SORCS2: variants seen among roughly 807,000 people sequenced by gnomAD.
SORCS2 encodes VPS10 domain-containing receptor SorCS2.
Under a neutral mutation model 141.6 loss-of-function variants are expected in SORCS2, and 100 were observed. The ratio of observed to expected loss-of-function variants is 0.71; its 90% CI spans 0.60 to 0.83. The LOEUF is 0.83. Among genes scored for constraint, SORCS2 ranks in the 40% least tolerant of loss-of-function variants. SORCS2 has a pLI of 0.00. For synonymous variants in SORCS2, 789 were observed against 676.9 expected (o/e 1.17, Z -2.57); for missense variants, 1,646 against 1,560.2 (o/e 1.05, Z -0.93).
At chr4:7,551,114 T>C (rs1318933712) in intron 3 of SORCS2, among the ~76,000 whole-genome samples, 1 of 152,238 alleles carries the variant, frequency 6.6e-6, no homozygotes, top group Admixed American at 6.5e-5. Flanking sequence ...TTGCTTGCCA[T>C]TTGTCATGGC....
intron 2 of SORCS2, among the ~76,000 whole-genome samples, chr4:7,455,117 G>A (rs1323148007): frequency 2.7e-5 from 2 of 73,122 alleles, no homozygotes; most frequent in African/African-American, 5.3e-5. Context: ...CAGGAGCTGT[G>A]TGTTGGGGTC....
At chr4:7,519,224 C>G (rs144758612) in intron 2 of SORCS2, among the ~76,000 whole-genome samples, 269 of 152,252 alleles carry the variant, frequency 1.8e-3, no homozygotes, top group African/African-American at 6.1e-3. Context: ...GGAGCTCGGC[C>G]TCGTTCACCG....
chr4:7,518,778 C>T (rs1361622452), intron 2 of SORCS2, among the ~76,000 whole-genome samples: 1 of 152,178 alleles, frequency 6.6e-6, no homozygotes, highest in African/African-American at 2.4e-5. Flanking sequence ...GCCAGAGACT[C>T]ACCTCTACCT....
At chr4:7,455,597 G>T (rs549073867) in intron 2 of SORCS2, among the ~76,000 whole-genome samples, 1 of 136,976 alleles carries the variant, frequency 7.3e-6, no homozygotes, top group East Asian at 2.4e-4. Flanking sequence ...GGGGTCAGGT[G>T]CTGTGTGTTG....
chr4:7,689,954 AATGGATGGATG>A (rs1246469186), intron 11 of SORCS2, among the ~76,000 whole-genome samples: 14 of 152,088 alleles, frequency 9.2e-5, no homozygotes, highest in East Asian at 1.9e-4. Context: ...TGGACAGATC[AATGGATGGATG>A]ATGGATGGAT....
At chr4:7,452,315 A>G (rs1203264099) in intron 2 of SORCS2, among the ~76,000 whole-genome samples, 2 of 151,770 alleles carry the variant, frequency 1.3e-5, no homozygotes, top group South Asian at 2.1e-4. Context: ...TAATTTTTGT[A>G]TTTTTTAGTA....
At chr4:7,387,796 GCT>G (rs747466163) in intron 1 of SORCS2, among the ~76,000 whole-genome samples, 46 of 46,626 alleles carry the variant, frequency 9.9e-4, no homozygotes, top group Non-Finnish European at 1.2e-3. Context: ...GTACATGCAT[GCT>G]CACATGCACA....
chr4:7,505,584 C>A (rs1426128478), intron 2 of SORCS2, among the ~76,000 whole-genome samples: 1 of 152,154 alleles, frequency 6.6e-6, no homozygotes, highest in African/African-American at 2.4e-5. Flanking sequence ...TGATGCCCTC[C>A]TCATGGGTGT....
At chr4:7,463,918 C>T (rs1311939201) in intron 2 of SORCS2, among the ~76,000 whole-genome samples, 16 of 152,222 alleles carry the variant, frequency 1.1e-4, no homozygotes, top group Admixed American at 8.5e-4. Context: ...TGATTTCAAA[C>T]AGGCACCCCT....
At chr4:7,217,048 G>A (rs1728402546) in intron 1 of SORCS2, among the ~76,000 whole-genome samples, 1 of 96,108 alleles carries the variant, frequency 1.0e-5, no homozygotes, top group Non-Finnish European at 2.1e-5. Flanking sequence ...TCCTTTGGAT[G>A]CTTGGGTCTG....
intron 2 of SORCS2, among the ~76,000 whole-genome samples, chr4:7,473,549 G>T (rs944677691): frequency 6.6e-6 from 1 of 152,204 alleles, no homozygotes; most frequent in African/African-American, 2.4e-5. Flanking sequence ...TAGCAGCTTG[G>T]CAGGTGGAAG....
At chr4:7,318,827 C>A (rs1394553324) in intron 1 of SORCS2, among the ~76,000 whole-genome samples, 1 of 152,174 alleles carries the variant, frequency 6.6e-6, no homozygotes, top group African/African-American at 2.4e-5. Context: ...AATACCATCA[C>A]CATCAAGATA....
At chr4:7,516,649 A>G (rs978481795) in intron 2 of SORCS2, among the ~76,000 whole-genome samples, 1 of 152,120 alleles carries the variant, frequency 6.6e-6, no homozygotes, top group African/African-American at 2.4e-5. Flanking sequence ...GGCTGCACGG[A>G]GTCTGGGAGT....
chr4:7,571,539 TG>T (rs1560395443), intron 3 of SORCS2, among the ~76,000 whole-genome samples: 1 of 152,036 alleles, frequency 6.6e-6, no homozygotes, highest in Non-Finnish European at 1.5e-5. Context: ...GGCAGTCCCG[TG>T]GGACTACTAT....
intron 2 of SORCS2, chr4:7,434,379 G>T (rs778316993): frequency 6.2e-6 from 10 of 1,607,212 alleles, no homozygotes; most frequent in Non-Finnish European, 8.5e-6. Flanking sequence ...GGGGCCCATT[G>T]GCCATGAACG....
rs370729482 is a variant in SORCS2 at position 7,648,303 on chromosome 4, G to A, written c.814-5831G>A. 5.9e-5 allele frequency among the ~76,000 whole-genome samples: 9 copies of A among 152,128 alleles called. No homozygotes were observed. The East Asian group carries it at 1.2e-3, about 20-fold the overall frequency. ...AAGTTGGGGGTGGTGCAGGGAGGAA[G>A]TGACCGTGGAGAGGGTGTCAAGGAG... On this transcript the variant is annotated intron_variant, in intron 4 of 26. Transcript: ENST00000507866. This position sits in a 1 kb window ranked among gnomAD's most constrained non-coding sequence, Gnocchi z 4.2.
At chr4:7,595,022 A>C (rs1717166186) in intron 3 of SORCS2, among the ~76,000 whole-genome samples, 1 of 152,070 alleles carries the variant, frequency 6.6e-6, no homozygotes, top group African/African-American at 2.4e-5. Context: ...TTGACTTACT[A>C]TCAGATCCAG....
At chr4:7,587,395 C>A (rs536488161) in intron 3 of SORCS2, among the ~76,000 whole-genome samples, 4 of 152,186 alleles carry the variant, frequency 2.6e-5, no homozygotes, top group African/African-American at 9.7e-5. Flanking sequence ...TTTCATTGAC[C>A]CTCACACACC....
chr4:7,346,598 C>G (rs1029601593), intron 1 of SORCS2, among the ~76,000 whole-genome samples: 2 of 152,252 alleles, frequency 1.3e-5, no homozygotes, highest in Non-Finnish European at 2.9e-5. Context: ...TGATCTTCCA[C>G]CTACTTGCAC....
Sources: allele counts gnomAD v4.1 joint callset (sites outside exome capture counted in the v4.1 genomes callset), GRCh38; gene constraint gnomAD v4.1.1; non-coding constraint Gnocchi (gnomAD v3.1); transcripts MANE v1.5; gene names NCBI Gene and HGNC (gene_info 2026-07-23, HGNC 2026-07-21).